Variants in TTC6 observed in about 807,000 individuals in gnomAD.
TTC6 encodes the protein tetratricopeptide repeat domain 6.
A neutral mutation model predicts 210.4 loss-of-function variants in TTC6; 172 were observed. The observed-to-expected ratio is 0.82, with a 90% CI of 0.72 to 0.93. The LOEUF (loss-of-function observed/expected upper bound fraction) is 0.93. Among genes scored for constraint, TTC6 ranks in the 40% least tolerant of loss-of-function variants. TTC6 has a pLI of 0.00. For synonymous variants in TTC6, 804 were observed against 819.6 expected (o/e 0.98, Z 0.32); for missense variants, 2,414 against 2,318.1 (o/e 1.04, Z -0.85).
exon 10 of TTC6, chr14:37,739,115 G>A (rs936384608): frequency 7.9e-6 from 12 of 1,524,136 alleles, no homozygotes; most frequent in East Asian, 7.3e-5. Context: ...ACTTATATTC[G>A]TGCATGAAGA....
intron 14 of TTC6, among the ~76,000 whole-genome samples, chr14:37,769,341 C>G (rs974810279): frequency 6.6e-6 from 1 of 151,550 alleles, no homozygotes; most frequent in African/African-American, 2.4e-5. Flanking sequence ...AGGATTCCCT[C>G]TTTTTCTATT....
intron 18 of TTC6, 110 bp from the exon 21 acceptor site, chr14:37,796,184 G>A (rs928093016): frequency 6.3e-6 from 3 of 478,774 alleles, no homozygotes; most frequent in Admixed American, 8.8e-5. Context: ...GCATACATAA[G>A]TAAATAAGAA....
intron 1 of TTC6, among the ~76,000 whole-genome samples, chr14:37,624,084 G>C (rs74720417): frequency 0.017 from 2,616 of 152,288 alleles, 53 homozygotes; most frequent in African/African-American, 0.059. Context: ...TTCAGCCCCA[G>C]AATACACTCT....
At chr14:37,790,148 G>A (rs1320469980) in intron 15 of TTC6, among the ~76,000 whole-genome samples, 1 of 152,038 alleles carries the variant, frequency 6.6e-6, no homozygotes, top group East Asian at 1.9e-4. Context: ...TGTCATTTGG[G>A]ATGTGCATAG....
chr14:37,823,900 A>C, exon 27 of TTC6: 1 of 1,614,042 alleles, frequency 6.2e-7, no homozygotes, highest in South Asian at 1.1e-5. Context: ...TTCTGAAAGC[A>C]CTGCATATTA....
exon 14 of TTC6, chr14:37,753,141 C>T (rs893498677): frequency 1.3e-5 from 20 of 1,534,826 alleles, no homozygotes; most frequent in South Asian, 4.8e-5. Context: ...ATTATTGAAA[C>T]GTGGGCTGTT....
intron 2 of TTC6, among the ~76,000 whole-genome samples, chr14:37,609,655 T>C (rs2095631029): frequency 6.6e-6 from 1 of 152,214 alleles, no homozygotes; most frequent in South Asian, 2.1e-4. Flanking sequence ...TATTTGTCAT[T>C]TAAATTGTTT....
chr14:37,615,095 C>T (rs2095640580), intron 2 of TTC6, among the ~76,000 whole-genome samples: 1 of 152,156 alleles, frequency 6.6e-6, no homozygotes, highest in South Asian at 2.1e-4. Flanking sequence ...AATCCTGTTT[C>T]CCTGTCTTCT....
chr14:37,621,238 C>CT (rs970082211), upstream of TTC6, among the ~76,000 whole-genome samples: 21 of 152,090 alleles, frequency 1.4e-4, no homozygotes, highest in African/African-American at 4.6e-4. Flanking sequence ...CTTCATTTTT[C>CT]TTTTTTTTCA....
intron 29 of TTC6, among the ~76,000 whole-genome samples, chr14:37,834,161 T>C (rs12432861): frequency 0.82 from 124,649 of 152,130 alleles, 53,456 homozygotes; most frequent in Non-Finnish European, 0.94. Context: ...TAATGTGCCT[T>C]GGAGAGGGCC....
At chr14:37,666,737 G>A (rs1595080812) in intron 1 of TTC6, among the ~76,000 whole-genome samples, 1 of 150,404 alleles carries the variant, frequency 6.6e-6, no homozygotes, top group East Asian at 1.9e-4. Flanking sequence ...TGAGGGGATA[G>A]GTGGGGGAAA....
intron 10 of TTC6, among the ~76,000 whole-genome samples, chr14:37,745,874 G>C (rs2095934483): frequency 6.6e-6 from 1 of 152,164 alleles, no homozygotes; most frequent in Non-Finnish European, 1.5e-5. Context: ...CCTGTTAAGA[G>C]AGGTTTTGGA....
At chr14:37,820,310 T>C (rs1346762965) in intron 26 of TTC6, among the ~76,000 whole-genome samples, 1 of 152,194 alleles carries the variant, frequency 6.6e-6, no homozygotes, top group Non-Finnish European at 1.5e-5. Flanking sequence ...TCTTTCAAGA[T>C]CTCTTTTCAG....
intron 14 of TTC6, among the ~76,000 whole-genome samples, chr14:37,773,413 GT>G (rs1367584401): frequency 6.6e-6 from 1 of 152,074 alleles, no homozygotes; most frequent in African/African-American, 2.4e-5. Flanking sequence ...TTGCATTTAA[GT>G]TTTTATCTTG....
chr14:37,809,808 G>A (rs1364386231), intron 24 of TTC6, among the ~76,000 whole-genome samples: 1 of 152,066 alleles, frequency 6.6e-6, no homozygotes, highest in African/African-American at 2.4e-5. Context: ...CTCTCCTGTC[G>A]GTTTGGTCCC....
At chr14:37,711,263 G>T (rs530003715) in intron 5 of TTC6, among the ~76,000 whole-genome samples, 1 of 152,274 alleles carries the variant, frequency 6.6e-6, no homozygotes. Context: ...TTGGGAGACA[G>T]AAAATGAGTA....
At chr14:37,599,327 A>G (rs1047582998) in intron 1 of TTC6, among the ~76,000 whole-genome samples, 18 of 152,176 alleles carry the variant, frequency 1.2e-4, no homozygotes. Flanking sequence ...TGTAGTAGGT[A>G]GGGGCCCTGG....
chr14:37,596,302 G>A (rs552345925), intron 1 of TTC6, among the ~76,000 whole-genome samples: 239 of 152,380 alleles, frequency 1.6e-3, no homozygotes, highest in African/African-American at 5.5e-3. Context: ...TTAGCTGGGA[G>A]AGCAAGGGCC....
intron 29 of TTC6, 47 bp from the exon 32 acceptor site, chr14:37,841,398 A>G (rs1002754386): frequency 6.7e-7 from 1 of 1,500,752 alleles, no homozygotes. Flanking sequence ...AAATTTCTGT[A>G]TAGTAAGTTG....
Sources: allele counts gnomAD v4.1 joint callset (sites outside exome capture counted in the v4.1 genomes callset), GRCh38; gene constraint gnomAD v4.1.1; transcripts MANE v1.5; gene names NCBI Gene and HGNC (gene_info 2026-07-23, HGNC 2026-07-21).